Variants in CLVS1 observed in about 807,000 individuals in gnomAD.
CLVS1 encodes clavesin-1.
CLVS1 carries 10 observed loss-of-function variants against 33.1 expected under a neutral mutation model. That is an observed-to-expected ratio of 0.30 (90% CI 0.19 to 0.51). The LOEUF (loss-of-function observed/expected upper bound fraction) is 0.51, where lower values mean the gene tolerates loss of function less well. Ranked by LOEUF, CLVS1 falls within the 20% of genes least tolerant of loss-of-function variation. The pLI is 0.97. For synonymous variants in CLVS1, 163 were observed against 166.1 expected, an observed-to-expected ratio of 0.98 and a Z score of 0.14; for missense variants, 343 against 433.4, an observed-to-expected ratio of 0.79 and a Z score of 1.85.
At chr8:61,420,499 G>T (rs1474441066) in intron 3 of CLVS1, among the ~76,000 whole-genome samples, 1 of 152,152 alleles carries the variant, frequency 6.6e-6, no homozygotes, top group African/African-American at 2.4e-5. Context: ...CTACTCGGGA[G>T]GCTGAGGCAA....
chr8:61,422,031 T>C (rs1815694379), intron 3 of CLVS1, among the ~76,000 whole-genome samples: 1 of 152,114 alleles, frequency 6.6e-6, no homozygotes, highest in Non-Finnish European at 1.5e-5. Context: ...TTTTCTTGCT[T>C]GGAAAATAGT....
At chr8:61,360,258 A>T (rs1812920138) in intron 2 of CLVS1, among the ~76,000 whole-genome samples, 1 of 152,148 alleles carries the variant, frequency 6.6e-6, no homozygotes, top group South Asian at 2.1e-4. Context: ...ATGCTTTCTA[A>T]TCACCTTTAA....
chr8:61,354,729 A>T (rs535379349), intron 2 of CLVS1, among the ~76,000 whole-genome samples: 269 of 152,300 alleles, frequency 1.8e-3, no homozygotes, highest in African/African-American at 6.1e-3. Flanking sequence ...CTAATCCCTA[A>T]ACATTATATA....
chr8:61,191,615 T>C lies in CLVS1; in HGVS notation c.-152+59755T>C, dbSNP rs554823887. ...TGTTTGCAGATGACATGATTGTATA[T>C]TTAGAAAATCCCATCATCTCAGCCC... On this transcript the variant is annotated intron_variant, in intron 2 of 2. Transcript: ENST00000522621. Among the ~76,000 whole-genome samples, 3 of 152,310 alleles carry C rather than the reference T, an allele frequency of 2.0e-5. No homozygotes were observed. In the East Asian group the frequency reaches 5.8e-4, roughly 29 times the overall value.
chr8:61,247,158 TG>T (rs1217554164), intron 2 of CLVS1, among the ~76,000 whole-genome samples: 1 of 152,248 alleles, frequency 6.6e-6, no homozygotes, highest in Non-Finnish European at 1.5e-5. Context: ...TAATATTCCA[TG>T]GTGTGTATAC....
At chr8:61,338,538 C>A (rs1294745490) in intron 2 of CLVS1, among the ~76,000 whole-genome samples, 1 of 152,196 alleles carries the variant, frequency 6.6e-6, no homozygotes, top group African/African-American at 2.4e-5. Context: ...CACTTTAAGG[C>A]TCACTAGCAC....
chr8:61,380,284 T>C (rs751594348), intron 3 of CLVS1, among the ~76,000 whole-genome samples: 4 of 152,190 alleles, frequency 2.6e-5, no homozygotes, highest in Non-Finnish European at 5.9e-5. Flanking sequence ...ACCATAATCA[T>C]TAAAAAATGG....
intron 2 of CLVS1, among the ~76,000 whole-genome samples, chr8:61,234,015 C>T (rs1336340907): frequency 2.0e-5 from 3 of 152,148 alleles, no homozygotes; most frequent in African/African-American, 7.2e-5. Flanking sequence ...GAGTCTTTGC[C>T]CTGGAGGAAG....
At chr8:61,232,328 G>A (rs1205724433) in intron 2 of CLVS1, among the ~76,000 whole-genome samples, 1 of 152,022 alleles carries the variant, frequency 6.6e-6, no homozygotes, top group Non-Finnish European at 1.5e-5. Flanking sequence ...GAGCCACCGC[G>A]CCTGGCCGAG....
the CLVS1 span, among the ~76,000 whole-genome samples, chr8:61,000,657 A>C: frequency 3.9e-5 from 6 of 152,242 alleles, no homozygotes; most frequent in Non-Finnish European, 8.8e-5. Context: ...TGCTTGTGAC[A>C]AAGGCTGAAT....
chr8:61,047,191 A>G, the CLVS1 span, among the ~76,000 whole-genome samples: 1 of 152,216 alleles, frequency 6.6e-6, no homozygotes, highest in Admixed American at 6.5e-5. Flanking sequence ...ATGCAGCCAA[A>G]AAACACATGA....
intron 3 of CLVS1, among the ~76,000 whole-genome samples, chr8:61,431,941 G>T (rs1442698137): frequency 1.3e-5 from 2 of 152,162 alleles, no homozygotes; most frequent in Non-Finnish European, 2.9e-5. Context: ...CCTTTTTAGT[G>T]AAATGTAGAA....
chr8:61,180,615 G>A (rs1219224440), intron 2 of CLVS1, among the ~76,000 whole-genome samples: 2 of 152,148 alleles, frequency 1.3e-5, no homozygotes, highest in African/African-American at 4.8e-5. Context: ...ATCTAATCCA[G>A]AAGTACATCA....
intron 2 of CLVS1, among the ~76,000 whole-genome samples, chr8:61,249,727 G>A (rs936024808): frequency 1.3e-5 from 2 of 152,174 alleles, no homozygotes; most frequent in Non-Finnish European, 2.9e-5. Context: ...CTTTTGAGAT[G>A]AGTCTGTTCA....
chr8:61,103,522 A>G (rs1425455923), intron 1 of CLVS1, among the ~76,000 whole-genome samples: 3 of 152,228 alleles, frequency 2.0e-5, no homozygotes, highest in African/African-American at 7.2e-5. Context: ...TTTGAAGAAA[A>G]TTAATCAGAA....
chr8:61,412,332 GA>G lies in CLVS1; in HGVS notation c.630+35558del, dbSNP rs1224563363. ...AACACAGGGACAGGACCAAATCAAA[GA>G]AAAAGCAAAAACAAAGTACTGTGAA... is the stretch of plus-strand genomic sequence containing the variant. On this transcript the variant is annotated intron_variant, in intron 3 of 5. Coordinates refer to ENST00000325897, the MANE Select transcript of CLVS1 (RefSeq NM_173519.3). Among the ~76,000 whole-genome samples the G allele has an allele frequency of 7.9e-5, 12 of 152,100 alleles. No homozygotes were observed. The East Asian group carries it at 1.9e-3, about 24-fold the overall frequency.
intron 2 of CLVS1, among the ~76,000 whole-genome samples, chr8:61,372,002 A>G (rs572045677): frequency 4.7e-4 from 72 of 152,324 alleles, no homozygotes; most frequent in African/African-American, 1.6e-3. Flanking sequence ...TCTCACATAC[A>G]TTATCACATT....
chr8:61,090,823 C>A (rs1300133667), intron 1 of CLVS1: 1 of 514,546 alleles, frequency 1.9e-6, no homozygotes, highest in Non-Finnish European at 3.9e-6. Context: ...TTCATCTGTA[C>A]CCGATTTAGA....
Position 61,202,513 on chromosome 8 carries a change from G to C in CLVS1, c.-152+70653G>C, listed in dbSNP as rs1807755201. On this transcript the variant is annotated intron_variant, in intron 2 of 2. Transcript: ENST00000522621. ...GGTCAGTTTAGGGGCTGGTGCAAAGGATGAATTGCACATTGTTGAAGCAGA... is the reference window on the plus strand; with the variant it reads ...GGTCAGTTTAGGGGCTGGTGCAAAGCATGAATTGCACATTGTTGAAGCAGA... 4.9e-6 allele frequency: 5 copies of C among 1,010,798 alleles called. No individual in the cohort carries two copies. In the South Asian group the frequency reaches 6.3e-5, roughly 13 times the overall value. 62.6% of individuals were successfully genotyped at this position (1,010,798 alleles called of 1,614,324 possible).
Sources: allele counts gnomAD v4.1 joint callset (sites outside exome capture counted in the v4.1 genomes callset), GRCh38; gene constraint gnomAD v4.1.1; transcripts MANE v1.5; gene names NCBI Gene and HGNC (gene_info 2026-07-23, HGNC 2026-07-21).